CHD9: variants seen among roughly 807,000 people sequenced by gnomAD.
CHD9 encodes the protein chromodomain helicase DNA binding protein 9.
Under a neutral mutation model 316.1 loss-of-function variants are expected in CHD9, and 77 were observed. The observed-to-expected ratio is 0.24, with a 90% CI of 0.20 to 0.29. CHD9 has a LOEUF of 0.29. Ranked by LOEUF, CHD9 falls within the 10% of genes least tolerant of loss-of-function variation. The pLI is 1.00. For missense variants in CHD9, 2,763 were observed against 3,438.1 expected (o/e 0.80, Z 4.91); for synonymous variants, 1,129 against 1,158.3 (o/e 0.97, Z 0.51).
At chr16:53,205,171 G>A (rs2045800539) in intron 2 of CHD9, among the ~76,000 whole-genome samples, 1 of 152,182 alleles carries the variant, frequency 6.6e-6, no homozygotes. Flanking sequence ...CTCATGGGGA[G>A]CAAGGCCTGT....
intron 30 of CHD9, among the ~76,000 whole-genome samples, chr16:53,303,264 TCCTCTTACAATGCAGCCCAGGG>T (rs1316049340): frequency 5.3e-5 from 8 of 151,710 alleles, no homozygotes; most frequent in Non-Finnish European, 1.2e-4. Flanking sequence ...CCAATACAAT[TCCTCTTACAATGCAGCCCAGGG>T]AAGCCAAAAG....
At chr16:53,145,533 CCT>C (rs1452161844) in intron 1 of CHD9, among the ~76,000 whole-genome samples, 1 of 151,738 alleles carries the variant, frequency 6.6e-6, no homozygotes, top group Non-Finnish European at 1.5e-5. Context: ...ATGGCGAAAC[CCT>C]GTCTCTACTA....
intron 1 of CHD9, among the ~76,000 whole-genome samples, chr16:53,110,542 C>A (rs999103481): frequency 6.6e-6 from 1 of 152,200 alleles, no homozygotes. Flanking sequence ...GGATGGATCA[C>A]CTGATGTCAG....
intron 2 of CHD9, among the ~76,000 whole-genome samples, chr16:53,166,654 T>C (rs2042287790): frequency 6.6e-6 from 1 of 152,148 alleles, no homozygotes; most frequent in South Asian, 2.1e-4. Flanking sequence ...ATTTGGGCAA[T>C]TGGACTGAAA....
intron 3 of CHD9, among the ~76,000 whole-genome samples, chr16:53,219,480 A>C (rs1597483679): frequency 6.6e-6 from 1 of 152,182 alleles, no homozygotes; most frequent in Admixed American, 6.5e-5. Context: ...CAATGACTGA[A>C]TCCTACGGAA....
chr16:53,091,293 C>A (rs1385111264), intron 1 of CHD9, among the ~76,000 whole-genome samples: 1 of 152,220 alleles, frequency 6.6e-6, no homozygotes, highest in Admixed American at 6.5e-5. Flanking sequence ...GAGTTCAAAT[C>A]CCCGGGTGAC....
At chr16:53,098,455 AAC>A (rs1308312011) in intron 1 of CHD9, among the ~76,000 whole-genome samples, 3 of 149,260 alleles carry the variant, frequency 2.0e-5, no homozygotes, top group African/African-American at 7.4e-5. Context: ...CAGCCTGGGC[AAC>A]AGAGTGAGAC....
At chr16:53,220,545 T>C (rs2047154556) in intron 3 of CHD9, among the ~76,000 whole-genome samples, 2 of 152,232 alleles carry the variant, frequency 1.3e-5, no homozygotes, top group Middle Eastern at 3.2e-3. Context: ...TTCACTTCCT[T>C]GTCATCACAT....
At chr16:53,085,392 G>T (rs1205868418) in intron 1 of CHD9, among the ~76,000 whole-genome samples, 1 of 151,996 alleles carries the variant, frequency 6.6e-6, no homozygotes, top group Non-Finnish European at 1.5e-5. Flanking sequence ...CATTTATGTT[G>T]CCTGCTGTGC....
Position 53,147,240 on chromosome 16 carries a change from A to T in CHD9, c.-164-8686A>T, listed in dbSNP as rs142580003. 2.0e-5 allele frequency among the ~76,000 whole-genome samples: 3 copies of T among 152,308 alleles called. No homozygotes were observed. In the East Asian group the frequency reaches 5.8e-4, roughly 29 times the overall value. The stretch of plus-strand genomic sequence containing the variant: ...GCAATCAGGAAAGGCCTCACTAGGA[A>T]TGTCACTTTTGAGAAAACTTACTGT... On this transcript the variant is annotated intron_variant, in intron 1 of 38. Coordinates refer to ENST00000447540, the MANE Select transcript of CHD9 (RefSeq NM_001308319.2).
chr16:53,308,729 A>C lies in CHD9; in HGVS notation c.7097A>C (p.Gln2366Pro), dbSNP rs1001663768. The stretch of plus-strand genomic sequence containing the variant: ...ACATTTCAGAAGCAAGGGCTTGCTC[A>C]GAAAAGACCATTTGATGGTGAAGAC... The part of the protein sequence containing the change: ...KLTFQKQGLA[Q>P]KRPFDGEDGA... The change falls in exon 34 of 39, where the codon CAG (glutamine) becomes CCG (proline). Residue 2366 changes from glutamine (Q) to proline (P), a missense_variant. Gln to Pro is a moderately conservative substitution (Grantham distance 76). This residue lies in a region of CHD9 where 663 missense variants were observed against 751.2 expected (regional missense o/e 0.88). Transcript: ENST00000447540. 1.2e-6 allele frequency: 2 copies of C among 1,613,362 alleles called. No homozygotes were observed. The highest frequency in any genetic ancestry group is 3.3e-5 in the Admixed American group (2 of 59,952).
intron 34 of CHD9, 66 bp downstream of exon 34, chr16:53,308,920 T>C: frequency 8.0e-7 from 1 of 1,243,762 alleles, no homozygotes. Flanking sequence ...TCTTCTTTTA[T>C]AGATGCTTGT....
intron 1 of CHD9, among the ~76,000 whole-genome samples, chr16:53,070,078 T>A (rs1220594395): frequency 1.3e-5 from 2 of 152,204 alleles, no homozygotes; most frequent in African/African-American, 4.8e-5. Flanking sequence ...ATTCAAGGTA[T>A]TTGCTGATTT....
At chr16:53,154,757 T>C (rs7201808) in intron 1 of CHD9, among the ~76,000 whole-genome samples, 73,878 of 152,002 alleles carry the variant, frequency 0.49, 18,654 homozygotes, top group African/African-American at 0.59. Flanking sequence ...CTGCTGCTCA[T>C]CTCCTGCCGT....
chr16:53,157,048 A>T lies in CHD9; in HGVS notation c.959A>T (p.Glu320Val), dbSNP rs769049307. The T allele has an allele frequency of 6.2e-7, 1 of 1,613,202 alleles. No individual in the cohort carries two copies. Among genetic ancestry groups the T allele is most frequent in the Non-Finnish European group, 8.5e-7 (1 of 1,179,776 alleles). The change falls in exon 2 of 39, where the codon GAA becomes GTA. Residue 320 changes from glutamate (E) to valine (V), a missense_variant. Physicochemically the swap from Glu to Val is moderately radical, Grantham distance 121 (BLOSUM62 -2). Transcript: ENST00000447540. ...SFSPHRGIKQESTQHILNPNT... is the reference protein window; with the variant it reads ...SFSPHRGIKQVSTQHILNPNT... ...TCACCTCATAGAGGAATCAAGCAAG[A>T]ATCTACTCAGCATATCCTAAACCCC... is the stretch of plus-strand genomic sequence containing the variant.
At chr16:53,091,493 A>T (rs2035939150) in intron 1 of CHD9, among the ~76,000 whole-genome samples, 2 of 152,204 alleles carry the variant, frequency 1.3e-5, no homozygotes, top group Admixed American at 1.3e-4. Flanking sequence ...CTGCCTTCCC[A>T]TGGGTGTACT....
intron 37 of CHD9, among the ~76,000 whole-genome samples, chr16:53,319,307 G>A (rs544971165): frequency 6.6e-6 from 1 of 152,222 alleles, no homozygotes; most frequent in Non-Finnish European, 1.5e-5. Context: ...TTTACTGTCT[G>A]TTAAATGCAC....
chr16:53,245,396 C>G lies in CHD9; in HGVS notation c.3115C>G (p.Leu1039Val). 1 of 1,595,984 alleles carries G rather than the reference C, an allele frequency of 6.3e-7. No homozygotes were observed. The highest frequency in any genetic ancestry group is 8.5e-7 in the Non-Finnish European group (1 of 1,171,100). The change falls in exon 14 of 39, where the codon CTT becomes GTT. Residue 1039 changes from leucine to valine, a missense_variant. By Grantham distance (32) the Leu-to-Val change is conservative (BLOSUM62 1). Transcript: ENST00000447540. The surrounding 1 kb of genome is among the most constrained non-coding windows in gnomAD (Gnocchi z 4.1). ...LQNTVEELFSLLHFLEPLRFP... is the reference protein window; with the variant it reads ...LQNTVEELFSVLHFLEPLRFP... ...AAATACAGTTGAAGAACTATTTAGT[C>G]TTCTTCACTTTCTTGAACCCTTAAG...
intron 1 of CHD9, among the ~76,000 whole-genome samples, chr16:53,074,024 T>C (rs1303248665): frequency 6.6e-6 from 1 of 152,172 alleles, no homozygotes; most frequent in South Asian, 2.1e-4. Context: ...CCTAGAGACT[T>C]GTTGAATGGC....
Sources: gnomAD v4.1 joint callset for allele counts (sites outside exome capture counted in the v4.1 genomes callset) on GRCh38, gnomAD v4.1.1 for gene constraint, gnomAD v4.1.1 regional missense constraint, Gnocchi (gnomAD v3.1) non-coding constraint, MANE v1.5 for transcripts, NCBI Gene and HGNC (gene_info 2026-07-23, HGNC 2026-07-21) for gene names.